The following ZDHHC14 variants were observed in gnomAD, a reference collection of about 807,000 sequenced individuals.
The protein encoded by ZDHHC14 is palmitoyltransferase ZDHHC14.
In ZDHHC14, 16 loss-of-function variants were observed where a neutral mutation model predicts 47.7. The observed-to-expected ratio is 0.34, with a 90% CI of 0.23 to 0.51. The LOEUF is 0.51. Ranked by LOEUF, ZDHHC14 falls within the 20% of genes least tolerant of loss-of-function variation. ZDHHC14 has a pLI of 0.97. For missense variants in ZDHHC14, 515 were observed against 662.5 expected (o/e 0.78, Z 2.44); for synonymous variants, 293 against 278.9 (o/e 1.05, Z -0.50).
At chr6:157,663,883 GCTA>G (rs1158438675) in intron 8 of ZDHHC14, among the ~76,000 whole-genome samples, 3 of 152,150 alleles carry the variant, frequency 2.0e-5, no homozygotes, top group African/African-American at 7.2e-5. Context: ...CTCTGAGCCT[GCTA>G]CTAATATTAT....
At chr6:157,446,019 T>C (rs530244635) in intron 1 of ZDHHC14, among the ~76,000 whole-genome samples, 1 of 152,332 alleles carries the variant, frequency 6.6e-6, no homozygotes, top group Non-Finnish European at 1.5e-5. Context: ...TTGCAGGTTT[T>C]GATAATTACC....
At chr6:157,496,384 C>G (rs1439615340) in intron 1 of ZDHHC14, among the ~76,000 whole-genome samples, 1 of 152,084 alleles carries the variant, frequency 6.6e-6, no homozygotes, top group Non-Finnish European at 1.5e-5. Flanking sequence ...CCCCCCCATG[C>G]TATTTTAGGT....
chr6:157,552,495 G>C (rs1198289075), intron 2 of ZDHHC14, among the ~76,000 whole-genome samples: 1 of 152,138 alleles, frequency 6.6e-6, no homozygotes, highest in Non-Finnish European at 1.5e-5. Flanking sequence ...TTTGTGCTTG[G>C]GAAGTGGGAG....
Position 157,677,731 on chromosome 6 carries a change from ACT to A in ZDHHC14, c.*4614_*4615del, listed in dbSNP as rs1778992175. On this transcript the variant is annotated 3_prime_UTR_variant, in exon 9 of 9. Transcript: ENST00000359775. ...TTGGTGATAAAGGTATGAATGAACA[ACT>A]CTCTTACTTGCCCTCGATGTTTCAA... The A allele has an allele frequency of 6.6e-6, 1 of 151,736 alleles. No individual in the cohort carries two copies. The highest frequency in any genetic ancestry group is 1.5e-5 in the Non-Finnish European group (1 of 67,982). 9.4% of individuals were successfully genotyped at this position (151,736 alleles called of 1,614,324 possible). A position where few individuals can be genotyped will look rare whatever the true frequency, so the allele number is the denominator to read the frequency against.
intron 1 of ZDHHC14, among the ~76,000 whole-genome samples, chr6:157,478,461 C>G (rs1290482139): frequency 2.0e-5 from 3 of 152,132 alleles, no homozygotes; most frequent in Non-Finnish European, 2.9e-5. Flanking sequence ...ATGGCAATTC[C>G]AGGTTCAGAT....
intron 3 of ZDHHC14, among the ~76,000 whole-genome samples, chr6:157,626,745 C>T (rs898106719): frequency 4.6e-5 from 7 of 151,884 alleles, no homozygotes; most frequent in Admixed American, 3.9e-4. Flanking sequence ...TTTGGGCAAA[C>T]GTATGGATTG....
chr6:157,475,230 A>G (rs146948268), intron 1 of ZDHHC14, among the ~76,000 whole-genome samples: 4 of 152,268 alleles, frequency 2.6e-5, no homozygotes, highest in South Asian at 2.1e-4. Flanking sequence ...CCATTGGCCA[A>G]TATGTCTGTT....
At chr6:157,539,631 T>C (rs558391765) in intron 1 of ZDHHC14, among the ~76,000 whole-genome samples, 52 of 151,972 alleles carry the variant, frequency 3.4e-4, no homozygotes, top group African/African-American at 1.2e-3. Context: ...TCCAAAGCAC[T>C]CACCAATGCG....
chr6:157,639,126 A>G (rs1351586105), intron 5 of ZDHHC14, among the ~76,000 whole-genome samples: 3 of 152,204 alleles, frequency 2.0e-5, no homozygotes, highest in Non-Finnish European at 4.4e-5. Context: ...GTGCACTTAC[A>G]CACCCAAGTG....
chr6:157,500,542 T>C (rs997884237), intron 1 of ZDHHC14, among the ~76,000 whole-genome samples: 1 of 152,154 alleles, frequency 6.6e-6, no homozygotes, highest in Admixed American at 6.5e-5. Flanking sequence ...CCAGGGCTCA[T>C]GATGGAAGAG....
chr6:157,426,783 G>A (rs963652347), intron 1 of ZDHHC14, among the ~76,000 whole-genome samples: 12 of 152,338 alleles, frequency 7.9e-5, no homozygotes, highest in African/African-American at 2.6e-4. Context: ...CCAGCGTGAG[G>A]TTCTACAGAG....
intron 1 of ZDHHC14, among the ~76,000 whole-genome samples, chr6:157,410,107 A>G (rs920816656): frequency 6.6e-6 from 1 of 152,184 alleles, no homozygotes; most frequent in African/African-American, 2.4e-5. Context: ...GAGGCATTCC[A>G]GTACCTGTTG....
At chr6:157,555,792 CCTT>C (rs1354852338) in intron 2 of ZDHHC14, among the ~76,000 whole-genome samples, 4 of 152,218 alleles carry the variant, frequency 2.6e-5, no homozygotes, top group African/African-American at 7.2e-5. Flanking sequence ...AGCATCCCCA[CCTT>C]CTACCCACTA....
chr6:157,621,997 C>A (rs1301410355), intron 3 of ZDHHC14, among the ~76,000 whole-genome samples: 1 of 152,080 alleles, frequency 6.6e-6, no homozygotes. Flanking sequence ...ATAGCGCCTA[C>A]CCCCAGGGCT....
intron 5 of ZDHHC14, among the ~76,000 whole-genome samples, chr6:157,637,563 G>T (rs1332458215): frequency 6.6e-6 from 1 of 152,102 alleles, no homozygotes; most frequent in Non-Finnish European, 1.5e-5. Context: ...CTCCAAATCT[G>T]TACTCCATCC....
chr6:157,477,870 A>G (rs1407133063), intron 1 of ZDHHC14, among the ~76,000 whole-genome samples: 1 of 152,170 alleles, frequency 6.6e-6, no homozygotes, highest in African/African-American at 2.4e-5. Context: ...GGTTTTTCCC[A>G]CTTTTCCACT....
intron 1 of ZDHHC14, among the ~76,000 whole-genome samples, chr6:157,492,067 C>T (rs911561054): frequency 2.0e-5 from 3 of 152,180 alleles, no homozygotes; most frequent in East Asian, 3.9e-4. Context: ...GTGTTGGTTG[C>T]GGCACCTCAG....
chr6:157,462,174 G>A (rs998340306), intron 1 of ZDHHC14, among the ~76,000 whole-genome samples: 6 of 152,150 alleles, frequency 3.9e-5, no homozygotes, highest in African/African-American at 1.2e-4. Context: ...TTCCACCATC[G>A]TGTAAAGTTA....
intron 1 of ZDHHC14, among the ~76,000 whole-genome samples, chr6:157,445,851 G>C (rs938550939): frequency 1.9e-4 from 29 of 152,102 alleles, no homozygotes; most frequent in Non-Finnish European, 1.3e-4. Context: ...GTGTTTAGTA[G>C]TTATGAAACC....
Sources: allele counts gnomAD v4.1 joint callset (sites outside exome capture counted in the v4.1 genomes callset), GRCh38; gene constraint gnomAD v4.1.1; transcripts MANE v1.5; gene names NCBI Gene and HGNC (gene_info 2026-07-23, HGNC 2026-07-21).